CNOT2: variants seen among roughly 807,000 people sequenced by gnomAD.
The protein encoded by CNOT2 is CC chemokine receptor 4-negative regulator of transcription 2.
Under a neutral mutation model 72.1 loss-of-function variants are expected in CNOT2, and 7 were observed. The ratio of observed to expected loss-of-function variants is 0.10; its 90% CI spans 0.06 to 0.18. The LOEUF (loss-of-function observed/expected upper bound fraction) is 0.18. CNOT2 is among the 10% of genes least tolerant of loss of function. The probability of loss-of-function intolerance (pLI) is 1.00; values close to 1 mark genes in which losing one functional copy is unlikely to be tolerated. For missense variants in CNOT2, 345 were observed against 660.3 expected, an observed-to-expected ratio of 0.52 and a Z score of 5.23; for synonymous variants, 196 against 225.6, an observed-to-expected ratio of 0.87 and a Z score of 1.17.
intron 2 of CNOT2, among the ~76,000 whole-genome samples, chr12:70,288,584 C>A (rs974228679): frequency 3.3e-5 from 5 of 152,140 alleles, no homozygotes; most frequent in African/African-American, 1.2e-4. Flanking sequence ...TCCCTTCCTC[C>A]CTTGCAGGTT....
intron 13 of CNOT2, chr12:70,343,840 A>AAG (rs1881824068): frequency 3.7e-6 from 1 of 269,690 alleles, no homozygotes; most frequent in Non-Finnish European, 6.9e-6. Flanking sequence ...TTGGGTATTA[A>AAG]ATCCTTTTAG....
intron 2 of CNOT2, among the ~76,000 whole-genome samples, chr12:70,282,893 C>G (rs1275944378): frequency 6.6e-6 from 1 of 151,996 alleles, no homozygotes. Flanking sequence ...ACTTAAGACC[C>G]TAAACAATTT....
chr12:70,256,386 G>A (rs1958439622), intron 1 of CNOT2, among the ~76,000 whole-genome samples: 1 of 152,074 alleles, frequency 6.6e-6, no homozygotes, highest in Non-Finnish European at 1.5e-5. Flanking sequence ...GGAATTCTGA[G>A]GTAAATTGTT....
At chr12:70,341,085 G>A (rs1881445224) in intron 11 of CNOT2, among the ~76,000 whole-genome samples, 1 of 151,880 alleles carries the variant, frequency 6.6e-6, no homozygotes. Flanking sequence ...ATTTCACCAT[G>A]TTGGCCAGGC....
intron 1 of CNOT2, among the ~76,000 whole-genome samples, chr12:70,274,230 G>A (rs1394129773): frequency 2.0e-5 from 3 of 152,076 alleles, no homozygotes; most frequent in South Asian, 4.1e-4. Context: ...TAGTTCATAA[G>A]GGCAAGGAAA....
intron 15 of CNOT2, 124 bp downstream of exon 15, chr12:70,346,448 T>G: frequency 2.9e-6 from 2 of 700,466 alleles, no homozygotes; most frequent in Non-Finnish European, 4.7e-6. Context: ...GCCAACTGTT[T>G]AATTCCATCT....
chr12:70,269,104 A>G lies in CNOT2; in HGVS notation c.-95-9028A>G, dbSNP rs902563336. On this transcript the variant is annotated intron_variant, in intron 1 of 15. Transcript: ENST00000229195. ...GCCCTGTCTTGCTTTCTTATAGCCA[A>G]GTCACATCAAAGTTGATTTAGCCCT... Among the ~76,000 whole-genome samples, 8 of 152,290 alleles carry G rather than the reference A, an allele frequency of 5.3e-5. No individual in the cohort carries two copies. In the East Asian group the frequency reaches 1.4e-3, roughly 26 times the overall value.
chr12:70,284,435 A>G (rs1870499682), intron 2 of CNOT2, among the ~76,000 whole-genome samples: 1 of 151,892 alleles, frequency 6.6e-6, no homozygotes. Flanking sequence ...CGGTAGATAC[A>G]GGATTTTACC....
chr12:70,252,943 A>G (rs1026978755), intron 1 of CNOT2, among the ~76,000 whole-genome samples: 4 of 152,204 alleles, frequency 2.6e-5, no homozygotes, highest in Non-Finnish European at 5.9e-5. Context: ...AATTTATTTC[A>G]TAGAGTGCAC....
intron 11 of CNOT2, among the ~76,000 whole-genome samples, chr12:70,339,203 C>G (rs1241974205): frequency 3.3e-5 from 5 of 151,876 alleles, no homozygotes; most frequent in African/African-American, 1.2e-4. Context: ...CTTTAGTTAT[C>G]CCTTTGACCT....
chr12:70,335,387 CTT>C, intron 7 of CNOT2, 49 bp from the exon 8 acceptor site: 1 of 1,389,896 alleles, frequency 7.2e-7, no homozygotes, highest in Admixed American at 1.8e-5. Context: ...TTTATAATCT[CTT>C]AAAAAATATT....
intron 1 of CNOT2, chr12:70,243,693 C>A (rs1957693696): frequency 3.5e-5 from 1 of 28,806 alleles, no homozygotes; most frequent in African/African-American, 1.3e-4. Flanking sequence ...GGGGTGGCGG[C>A]GGTGGAGGGA....
chr12:70,261,016 T>TC (rs1223608807), intron 1 of CNOT2, among the ~76,000 whole-genome samples: 1 of 152,028 alleles, frequency 6.6e-6, no homozygotes, highest in Non-Finnish European at 1.5e-5. Context: ...TGTTTTTTTT[T>TC]CCATGGATAC....
At chr12:70,316,816 C>T (rs535340618) in intron 3 of CNOT2, among the ~76,000 whole-genome samples, 8 of 152,116 alleles carry the variant, frequency 5.3e-5, no homozygotes, top group Non-Finnish European at 8.8e-5. Flanking sequence ...CTTACTCCCT[C>T]CTCCCATTTT....
At chr12:70,353,721 T>C in intron 15 of CNOT2, 108 bp from the exon 16 acceptor site, 5 of 1,490,238 alleles carry the variant, frequency 3.4e-6, no homozygotes, top group African/African-American at 1.4e-5. Flanking sequence ...TGTGTTGATG[T>C]TGATTCATAT....
At chr12:70,243,651 T>A (rs1957685973) in intron 1 of CNOT2, 171 bp downstream of exon 1, 1 of 139,370 alleles carries the variant, frequency 7.2e-6, no homozygotes, top group Admixed American at 7.2e-5. Context: ...TCGGCTCCAA[T>A]CGAGAGACGG....
intron 1 of CNOT2, among the ~76,000 whole-genome samples, chr12:70,256,552 T>G (rs1416593229): frequency 7.1e-6 from 1 of 139,958 alleles, no homozygotes; most frequent in East Asian, 2.0e-4. Flanking sequence ...GTGAATTAAA[T>G]GTGAGGTTCT....
chr12:70,330,705 G>C (rs1156514213), intron 6 of CNOT2: 6 of 401,034 alleles, frequency 1.5e-5, no homozygotes, highest in African/African-American at 2.1e-5. Flanking sequence ...GAAAAGGATT[G>C]TTCTTGGATT....
At position 70,311,035 on chromosome 12, in the gene CNOT2, G is replaced by A. The variant is rs1230454783; in HGVS notation, c.171+18G>A. 6.4e-7 allele frequency: 1 copy of A among 1,574,568 alleles called. No homozygotes were observed. ...AAAAAGATGTAAGTTAATCAATTAT[G>A]TTGTATTTTTTCAGCAATGTAAGTC... On this transcript the variant is annotated intron_variant, in intron 3 of 15. Transcript: ENST00000229195.
Sources: allele counts gnomAD v4.1 joint callset (sites outside exome capture counted in the v4.1 genomes callset), GRCh38; gene constraint gnomAD v4.1.1; transcripts MANE v1.5; gene names NCBI Gene and HGNC (gene_info 2026-07-23, HGNC 2026-07-21).